NUDT5: variants seen among roughly 807,000 people sequenced by gnomAD.
NUDT5 encodes the protein nudix hydrolase 5.
Under a neutral mutation model 34.1 loss-of-function variants are expected in NUDT5, and 21 were observed. That is an observed-to-expected ratio of 0.62 (90% confidence interval 0.44 to 0.89). The LOEUF is 0.89. NUDT5 is among the 40% of genes least tolerant of loss of function. NUDT5 has a pLI of 0.00. For synonymous variants in NUDT5, 85 were observed against 97.6 expected, an observed-to-expected ratio of 0.87 and a Z score of 0.76; for missense variants, 249 against 274.8, an observed-to-expected ratio of 0.91 and a Z score of 0.66.
chr10:12,165,838 G>C lies in NUDT5; in HGVS notation c.*1864C>G, dbSNP rs1252705310. ...TAAAGGCAGGCAGGATAGTGACAGT[G>C]GCTCGGTGAGCATCCGCCAAGGGCC... On this transcript the variant is annotated 3_prime_UTR_variant, in exon 10 of 10. Coordinates refer to ENST00000491614, the MANE Select transcript of NUDT5 (RefSeq NM_014142.4). The C allele has an allele frequency of 6.6e-6, 1 of 152,138 alleles. No homozygotes were observed. The highest frequency in any genetic ancestry group is 2.4e-5 in the African/African-American group (1 of 41,424). 9.4% of individuals were successfully genotyped at this position (152,138 alleles called of 1,614,324 possible).
Position 12,169,716 on chromosome 10 carries a change from G to A in NUDT5, c.550+1001C>T, listed in dbSNP as rs1834809497. On this transcript the variant is annotated intron_variant, in intron 9 of 9. Coordinates refer to ENST00000491614, the MANE Select transcript of NUDT5 (RefSeq NM_014142.4). The surrounding 1 kb of genome is among the most constrained non-coding windows in gnomAD (Gnocchi z 4.8). ...TCTGATTTTATCCAAAGAAATCACA[G>A]CAGCCTTTGAAAGACACATTCAGAT... 8.9e-6 allele frequency: 2 copies of A among 224,998 alleles called. No individual in the cohort carries two copies. The highest frequency in any genetic ancestry group is 4.6e-5 in the African/African-American group (2 of 43,918). 13.9% of individuals were successfully genotyped at this position (224,998 alleles called of 1,614,324 possible). A position where few individuals can be genotyped will look rare whatever the true frequency, so the allele number is the denominator to read the frequency against.
chr10:12,172,493 A>G, intron 7 of NUDT5: 4 of 480,496 alleles, frequency 8.3e-6, no homozygotes, highest in Non-Finnish European at 1.5e-5. Context: ...CCTGCAGCTC[A>G]TATTACTAAG....
rs894898189 is a variant in NUDT5 at position 12,165,353 on chromosome 10, A to G, written c.*2349T>C. 1 of 979,870 alleles carries G rather than the reference A, an allele frequency of 1.0e-6. No individual in the cohort carries two copies. The highest frequency in any genetic ancestry group is 1.2e-6 in the Non-Finnish European group (1 of 824,968). The allele number at this position is 979,870 out of a possible 1,614,324, so 60.7% of individuals were successfully genotyped here. On this transcript the variant is annotated 3_prime_UTR_variant, in exon 10 of 10. Coordinates refer to ENST00000491614, the MANE Select transcript of NUDT5 (RefSeq NM_014142.4). ...TGTAAACAGTAGACAATAAACTTTT[A>G]TTTAAGAAAACTGATTCAGTTGTGT...
intron 1 of NUDT5, among the ~76,000 whole-genome samples, chr10:12,191,815 C>G (rs1418214315): frequency 6.6e-6 from 1 of 152,224 alleles, no homozygotes; most frequent in Non-Finnish European, 1.5e-5. Flanking sequence ...TAATTTTTCA[C>G]CAACTTCAGT....
chr10:12,182,772 T>G lies in NUDT5; in HGVS notation c.131+2117A>C, dbSNP rs1008998328. Among the ~76,000 whole-genome samples the G allele has an allele frequency of 1.3e-5, 2 of 152,238 alleles. No individual in the cohort carries two copies. The highest frequency in any genetic ancestry group is 4.8e-5 in the African/African-American group (2 of 41,460). On this transcript the variant is annotated intron_variant, in intron 3 of 9. Coordinates refer to ENST00000491614, the MANE Select transcript of NUDT5 (RefSeq NM_014142.4). The surrounding 1 kb of genome is among the most constrained non-coding windows in gnomAD (Gnocchi z 4.3). ...TATTTTTTGAGATGGAGTCTCGCTC[T>G]GTCGCCCAGGCTGGAGTACAGTGGT...
chr10:12,165,599 C>T lies in NUDT5; in HGVS notation c.*2103G>A, dbSNP rs1834653969. The T allele has an allele frequency of 6.5e-6, 1 of 153,498 alleles. No individual in the cohort carries two copies. The highest frequency in any genetic ancestry group is 1.4e-5 in the Non-Finnish European group (1 of 69,278). The allele number at this position is 153,498 out of a possible 1,614,324, so 9.5% of individuals were successfully genotyped here. A position where few individuals can be genotyped will look rare whatever the true frequency, so the allele number is the denominator to read the frequency against. On this transcript the variant is annotated 3_prime_UTR_variant, in exon 10 of 10. Transcript: ENST00000491614. ...GGAGGAAACAGGAAAACAGTGGTCTCAAAACAACAATATCCCAGTCTCCAT... is the reference window on the plus strand; with the variant it reads ...GGAGGAAACAGGAAAACAGTGGTCTTAAAACAACAATATCCCAGTCTCCAT...
chr10:12,188,094 A>T (rs1436041228), intron 1 of NUDT5, among the ~76,000 whole-genome samples: 1 of 152,012 alleles, frequency 6.6e-6, no homozygotes, highest in Non-Finnish European at 1.5e-5. Flanking sequence ...AGCCGAGATC[A>T]CGCCACTGCA....
Position 12,175,100 on chromosome 10 carries a change from A to C in NUDT5, c.290-1287T>G, listed in dbSNP as rs957318021. 2.0e-5 allele frequency among the ~76,000 whole-genome samples: 3 copies of C among 152,100 alleles called. No homozygotes were observed. The highest frequency in any genetic ancestry group is 7.2e-5 in the African/African-American group (3 of 41,416). On this transcript the variant is annotated intron_variant, in intron 5 of 9. Transcript: ENST00000491614. The surrounding 1 kb of genome is among the most constrained non-coding windows in gnomAD (Gnocchi z 4.8). ...TTTGGGAGGCCGAGGCGGGCAGATCACCTGAGGTCAGGGGTTCGAGACCAG... is the reference window on the plus strand; with the variant it reads ...TTTGGGAGGCCGAGGCGGGCAGATCCCCTGAGGTCAGGGGTTCGAGACCAG...
intron 3 of NUDT5, 39 bp downstream of exon 3, chr10:12,184,850 C>T (rs775990272): frequency 1.8e-6 from 2 of 1,134,052 alleles, no homozygotes; most frequent in Non-Finnish European, 1.3e-6. Flanking sequence ...CCTGAGAACC[C>T]AAATAACGAA....
rs779362942 is a variant in NUDT5 at position 12,166,763 on chromosome 10, G to A, written c.*939C>T. ...GAGGCCCTAAAAGTCAACACAAAAA[G>A]AGCTAAACTCACTCAAGAAGCTAAG... is the stretch of plus-strand genomic sequence containing the variant. On this transcript the variant is annotated 3_prime_UTR_variant, in exon 10 of 10. Coordinates refer to ENST00000491614, the MANE Select transcript of NUDT5 (RefSeq NM_014142.4). The A allele has an allele frequency of 1.4e-5, 7 of 500,368 alleles. No homozygotes were observed. Among genetic ancestry groups the A allele is most frequent in the South Asian group, 1.1e-4 (7 of 66,412 alleles). 31.0% of individuals were successfully genotyped at this position (500,368 alleles called of 1,614,324 possible).
In NUDT5 at chr10:12,175,549, G is replaced by C. The variant is rs1329591401; in HGVS notation, c.290-1736C>G. On this transcript the variant is annotated intron_variant, in intron 5 of 9. Transcript: ENST00000491614. This position sits in a 1 kb window ranked among gnomAD's most constrained non-coding sequence, Gnocchi z 4.8. Reference sequence around the variant, plus strand: ...CCCAGCTACCCAGGAAGCCAAGGCAGGAGGATCACTTGAGCCCAGAAGGTC... The same window carrying C: ...CCCAGCTACCCAGGAAGCCAAGGCACGAGGATCACTTGAGCCCAGAAGGTC... Among the ~76,000 whole-genome samples, 1 of 152,110 alleles carries C rather than the reference G, an allele frequency of 6.6e-6. No homozygotes were observed. The highest frequency in any genetic ancestry group is 2.4e-5 in the African/African-American group (1 of 41,404).
rs7091945 is a variant in NUDT5 at position 12,175,212 on chromosome 10, C to T, written c.290-1399G>A. 0.91 allele frequency among the ~76,000 whole-genome samples: 138,248 copies of T among 152,192 alleles called. 62,962 individuals carry two copies. Among genetic ancestry groups the T allele is most frequent in the East Asian group, 0.97 (5,038 of 5,170 alleles). ...GGTACGCACCTGTATTCCAGCTACGCGGGAGGCTGAGGCAGGAGAATCGCT... is the reference window on the plus strand; with the variant it reads ...GGTACGCACCTGTATTCCAGCTACGTGGGAGGCTGAGGCAGGAGAATCGCT... On this transcript the variant is annotated intron_variant, in intron 5 of 9. Coordinates refer to ENST00000491614, the MANE Select transcript of NUDT5 (RefSeq NM_014142.4). This position sits in a 1 kb window ranked among gnomAD's most constrained non-coding sequence, Gnocchi z 4.8.
intron 1 of NUDT5, among the ~76,000 whole-genome samples, chr10:12,191,465 T>C (rs1212651004): frequency 1.3e-5 from 2 of 152,164 alleles, no homozygotes; most frequent in African/African-American, 2.4e-5. Context: ...CCACATATAA[T>C]GATGATTTGC....
In NUDT5 at chr10:12,168,164, A is replaced by G. The variant is rs1834754268; in HGVS notation, c.551-353T>C. Among the ~76,000 whole-genome samples the G allele has an allele frequency of 6.6e-6, 1 of 152,006 alleles. No individual in the cohort carries two copies. Among genetic ancestry groups the G allele is most frequent in the African/African-American group, 2.4e-5 (1 of 41,400 alleles). On this transcript the variant is annotated intron_variant, in intron 9 of 9. Coordinates refer to ENST00000491614, the MANE Select transcript of NUDT5 (RefSeq NM_014142.4). This position sits in a 1 kb window ranked among gnomAD's most constrained non-coding sequence, Gnocchi z 4.8. Reference sequence around the variant, plus strand: ...CTCAGCCTCCCCAGTAGCTGGGACTATAGGCGCACGCCACCACGCCCAGCT... The same window carrying G: ...CTCAGCCTCCCCAGTAGCTGGGACTGTAGGCGCACGCCACCACGCCCAGCT...
chr10:12,166,956 C>G lies in NUDT5; in HGVS notation c.*746G>C, dbSNP rs1326150257. On this transcript the variant is annotated 3_prime_UTR_variant, in exon 10 of 10. Coordinates refer to ENST00000491614, the MANE Select transcript of NUDT5 (RefSeq NM_014142.4). ...AACATCAAGATATTACTGCCCCAAA[C>G]ATGTCAGTCTTACAGATTTGTTTTC... The G allele has an allele frequency of 4.1e-6, 1 of 245,454 alleles. No individual in the cohort carries two copies. Among genetic ancestry groups the G allele is most frequent in the Non-Finnish European group, 8.5e-6 (1 of 117,584 alleles). The allele number at this position is 245,454 out of a possible 1,614,324, so 15.2% of individuals were successfully genotyped here. A position where few individuals can be genotyped will look rare whatever the true frequency, so the allele number is the denominator to read the frequency against.
intron 1 of NUDT5, among the ~76,000 whole-genome samples, chr10:12,189,946 T>G (rs886240683): frequency 6.7e-6 from 1 of 150,268 alleles, no homozygotes; most frequent in East Asian, 2.0e-4. Flanking sequence ...CAGGCTGGAG[T>G]GCAGTGGCGC....
intron 1 of NUDT5, among the ~76,000 whole-genome samples, chr10:12,188,263 G>A (rs1246386074): frequency 1.3e-5 from 2 of 152,200 alleles, no homozygotes; most frequent in African/African-American, 4.8e-5. Context: ...CTACCCATCT[G>A]ATCTTCAATT....
Position 12,171,813 on chromosome 10 carries a change from C to T in NUDT5, c.488-905G>A, listed in dbSNP as rs2131700341. Among the ~76,000 whole-genome samples the T allele has an allele frequency of 6.6e-6, 1 of 151,810 alleles. No homozygotes were observed. The highest frequency in any genetic ancestry group is 2.1e-4 in the South Asian group (1 of 4,822). The stretch of plus-strand genomic sequence containing the variant: ...GATCTTGACTCACTGCAACCTCCGC[C>T]TCCTGGGTTCAAGTGATTCTTGTGT... On this transcript the variant is annotated intron_variant, in intron 7 of 9. Coordinates refer to ENST00000491614, the MANE Select transcript of NUDT5 (RefSeq NM_014142.4). The surrounding 1 kb of genome is among the most constrained non-coding windows in gnomAD (Gnocchi z 4.2).
chr10:12,189,742 C>T (rs1835191206), intron 1 of NUDT5, among the ~76,000 whole-genome samples: 1 of 152,154 alleles, frequency 6.6e-6, no homozygotes, highest in South Asian at 2.1e-4. Flanking sequence ...ACGGAGTTTG[C>T]CTTCACTGAC....
Sources: allele counts gnomAD v4.1 joint callset (sites outside exome capture counted in the v4.1 genomes callset), GRCh38; gene constraint gnomAD v4.1.1; non-coding constraint Gnocchi (gnomAD v3.1); transcripts MANE v1.5; gene names NCBI Gene and HGNC (gene_info 2026-07-23, HGNC 2026-07-21).